AKAP6: variants seen among roughly 807,000 people sequenced by gnomAD.
The protein encoded by AKAP6 is A-kinase anchor protein 6.
A neutral mutation model predicts 188.5 loss-of-function variants in AKAP6; 58 were observed. That is an observed-to-expected ratio of 0.31 (90% CI 0.25 to 0.38). The LOEUF is 0.38. AKAP6 is among the 10% of genes least tolerant of loss of function. The pLI is 1.00. For synonymous variants in AKAP6, 989 were observed against 998.6 expected, an observed-to-expected ratio of 0.99 and a Z score of 0.18; for missense variants, 2,710 against 2,740.0, an observed-to-expected ratio of 0.99 and a Z score of 0.24.
At position 32,833,943 on chromosome 14, in the gene AKAP6, A is replaced by C. The variant is rs1276161583; in HGVS notation, c.*4138A>C. 1 of 152,220 alleles carries C rather than the reference A, an allele frequency of 6.6e-6. No homozygotes were observed. Among genetic ancestry groups the C allele is most frequent in the Non-Finnish European group, 1.5e-5 (1 of 68,034 alleles). The allele number at this position is 152,220 out of a possible 1,614,324, so 9.4% of individuals were successfully genotyped here. On this transcript the variant is annotated 3_prime_UTR_variant, in exon 14 of 14. Coordinates refer to ENST00000280979, the MANE Select transcript of AKAP6 (RefSeq NM_004274.5). The stretch of plus-strand genomic sequence containing the variant: ...TTATTGTTAATATTTCACCATATTT[A>C]CTTCATCTCTGTATACACACACACT...
intron 4 of AKAP6, among the ~76,000 whole-genome samples, chr14:32,570,124 CTTTTTTTTTT>C (rs60851991): frequency 1.3e-5 from 1 of 74,810 alleles, no homozygotes; most frequent in Non-Finnish European, 2.3e-5. Flanking sequence ...TGTGTGGGAA[CTTTTTTTTTT>C]TTTTTTTTTT....
intron 2 of AKAP6, among the ~76,000 whole-genome samples, chr14:32,503,309 T>C (rs1300918367): frequency 1.3e-5 from 2 of 152,136 alleles, no homozygotes; most frequent in Non-Finnish European, 2.9e-5. Context: ...AGGAGCTCTG[T>C]ATTTATTATG....
intron 11 of AKAP6, among the ~76,000 whole-genome samples, chr14:32,737,081 C>CCT (rs2031462199): frequency 6.6e-6 from 1 of 152,124 alleles, no homozygotes; most frequent in South Asian, 2.1e-4. Context: ...CCCATCCTAA[C>CCT]CTCTACTGCA....
At chr14:32,763,693 T>C (rs1030440449) in intron 11 of AKAP6, among the ~76,000 whole-genome samples, 1 of 152,180 alleles carries the variant, frequency 6.6e-6, no homozygotes, top group Non-Finnish European at 1.5e-5. Flanking sequence ...CATTTAATCA[T>C]GTCATTTTTC....
At chr14:32,349,366 C>T (rs992216754) in intron 1 of AKAP6, among the ~76,000 whole-genome samples, 4 of 152,054 alleles carry the variant, frequency 2.6e-5, no homozygotes, top group Non-Finnish European at 5.9e-5. Context: ...CTTTTGATTT[C>T]ATTGTTCTGC....
At chr14:32,635,566 G>A (rs897617128) in intron 7 of AKAP6, among the ~76,000 whole-genome samples, 2 of 152,090 alleles carry the variant, frequency 1.3e-5, no homozygotes, top group African/African-American at 4.8e-5. Flanking sequence ...CTAGAGCTGG[G>A]AGCTACTGTT....
intron 5 of AKAP6, among the ~76,000 whole-genome samples, chr14:32,597,143 G>C (rs1181454069): frequency 6.6e-6 from 1 of 152,142 alleles, no homozygotes; most frequent in Non-Finnish European, 1.5e-5. Flanking sequence ...AGCAGAGCCA[G>C]TTCCAGCTGC....
At chr14:32,599,697 C>T (rs1391731220) in intron 6 of AKAP6, among the ~76,000 whole-genome samples, 191 bp downstream of exon 6, 1 of 152,124 alleles carries the variant, frequency 6.6e-6, no homozygotes, top group Non-Finnish European at 1.5e-5. Context: ...AGATGAAATA[C>T]TGCCTCCAAA....
chr14:32,335,986 C>CTCCAGCAAGGTAGT (rs1275103039), intron 1 of AKAP6, among the ~76,000 whole-genome samples: 1 of 150,678 alleles, frequency 6.6e-6, no homozygotes, highest in Non-Finnish European at 1.5e-5. Flanking sequence ...ATGAACCCTT[C>CTCCAGCAAGGTAGT]TCCAGCAAGG....
chr14:32,475,384 G>T (rs1257009470), intron 2 of AKAP6, among the ~76,000 whole-genome samples: 2 of 152,168 alleles, frequency 1.3e-5, no homozygotes, highest in Non-Finnish European at 2.9e-5. Context: ...GGCTACAGCT[G>T]ATTCAGGCAT....
intron 2 of AKAP6, among the ~76,000 whole-genome samples, chr14:32,518,185 A>G (rs1291563029): frequency 6.6e-6 from 1 of 152,222 alleles, no homozygotes; most frequent in Non-Finnish European, 1.5e-5. Flanking sequence ...CCAAAACCCC[A>G]TCTGTCCATC....
chr14:32,659,844 C>T (rs559525745), intron 7 of AKAP6, among the ~76,000 whole-genome samples: 1 of 152,232 alleles, frequency 6.6e-6, no homozygotes, highest in South Asian at 2.1e-4. Flanking sequence ...ACTCTGATAA[C>T]TTACCATCAG....
rs1566671020 is a variant in AKAP6 at position 32,728,363 on chromosome 14, TATCTATCTATC to T, written c.3001-4090_3001-4080del. 3.3e-5 allele frequency among the ~76,000 whole-genome samples: 5 copies of T among 150,804 alleles called. No homozygotes were observed. In the East Asian group the frequency reaches 9.7e-4, roughly 29 times the overall value. On this transcript the variant is annotated intron_variant, in intron 9 of 13. Transcript: ENST00000280979. ...TCTCAGTGTATTCTATCTATCTATCTATCTATCTATCTATCTATCTATCTATCTATCAATCG... is the reference window on the plus strand; with the variant it reads ...TCTCAGTGTATTCTATCTATCTATCTTATCTATCTATCTATCTATCAATCG...
chr14:32,448,046 A>G (rs1296224267), intron 2 of AKAP6, among the ~76,000 whole-genome samples: 1 of 152,252 alleles, frequency 6.6e-6, no homozygotes, highest in Non-Finnish European at 1.5e-5. Flanking sequence ...AAAAACATCT[A>G]TAAATGAGGT....
chr14:32,352,105 G>GTT (rs1555320186), intron 1 of AKAP6, among the ~76,000 whole-genome samples: 49 of 66,566 alleles, frequency 7.4e-4, no homozygotes, highest in East Asian at 5.6e-3. Flanking sequence ...GTGTGTGTTT[G>GTT]TGTGTGTGTG....
At chr14:32,469,320 C>T (rs1248093482) in intron 2 of AKAP6, among the ~76,000 whole-genome samples, 2 of 152,146 alleles carry the variant, frequency 1.3e-5, no homozygotes, top group Non-Finnish European at 2.9e-5. Context: ...TGATCACTAG[C>T]ATTCCCCCAA....
At chr14:32,592,180 C>G (rs774908599) in intron 5 of AKAP6, among the ~76,000 whole-genome samples, 1 of 152,170 alleles carries the variant, frequency 6.6e-6, no homozygotes, top group Non-Finnish European at 1.5e-5. Flanking sequence ...ATTCATTTCC[C>G]TGAACATTTG....
chr14:32,429,664 A>G (rs1366427065), intron 1 of AKAP6, among the ~76,000 whole-genome samples: 4 of 152,222 alleles, frequency 2.6e-5, no homozygotes, highest in Non-Finnish European at 5.9e-5. Context: ...GCAAAGGTAT[A>G]TGTGAAGGAA....
chr14:32,773,011 T>C (rs1044056042), intron 11 of AKAP6, among the ~76,000 whole-genome samples: 1 of 152,218 alleles, frequency 6.6e-6, no homozygotes, highest in Admixed American at 6.5e-5. Flanking sequence ...AATGCTATTT[T>C]GGTGCCGGCA....
Sources: allele counts gnomAD v4.1 joint callset (sites outside exome capture counted in the v4.1 genomes callset), GRCh38; gene constraint gnomAD v4.1.1; transcripts MANE v1.5; gene names NCBI Gene and HGNC (gene_info 2026-07-23, HGNC 2026-07-21).